LAMA1: variants seen among roughly 807,000 people sequenced by gnomAD.
LAMA1 encodes the protein laminin subunit alpha-1.
In LAMA1, 219 loss-of-function variants were observed where a neutral mutation model predicts 348.7. That is an observed-to-expected ratio of 0.63 (90% confidence interval 0.56 to 0.70). The LOEUF is 0.70. Among genes scored for constraint, LAMA1 ranks in the 30% least tolerant of loss-of-function variants. The pLI is 0.00. For missense variants in LAMA1, 3,744 were observed against 3,888.0 expected, an observed-to-expected ratio of 0.96 and a Z score of 0.99; for synonymous variants, 1,487 against 1,491.0, an observed-to-expected ratio of 1.00 and a Z score of 0.06.
chr18:6,993,701 T>A lies in LAMA1; in HGVS notation c.4948A>T (p.Ile1650Phe). The change falls in exon 35 of 63, where the codon ATC becomes TTC. Residue 1650 changes from isoleucine (I) to phenylalanine (F), a missense_variant. This residue lies in a region of LAMA1 where 1,983 missense variants were observed against 1,934.3 expected (regional missense o/e 1.03). Coordinates refer to ENST00000389658, the MANE Select transcript of LAMA1 (RefSeq NM_005559.4). Reference sequence around the variant, plus strand: ...GCCAGGTCTTGACTCTCCTTGAAGATTCTCTCAGTTGCCCTATTCACCTTT... The same window carrying A: ...GCCAGGTCTTGACTCTCCTTGAAGAATCTCTCAGTTGCCCTATTCACCTTT... ...TQKVNRATERIFKESQDLAIA... is the reference protein window; with the variant it reads ...TQKVNRATERFFKESQDLAIA... 1 of 1,614,122 alleles carries A rather than the reference T, an allele frequency of 6.2e-7. No homozygotes were observed.
chr18:6,952,565 G>A (rs187250344), intron 57 of LAMA1, among the ~76,000 whole-genome samples: 2 of 152,330 alleles, frequency 1.3e-5, no homozygotes, highest in East Asian at 3.9e-4. Context: ...TGCCTTCCAA[G>A]GTTTCACTTT....
chr18:6,945,326 T>C (rs1207785089), intron 61 of LAMA1, among the ~76,000 whole-genome samples: 1 of 152,130 alleles, frequency 6.6e-6, no homozygotes, highest in Non-Finnish European at 1.5e-5. Context: ...TTAGTTCTGG[T>C]TTGTCATGAA....
chr18:7,024,281 C>A (rs2057932442), intron 18 of LAMA1, 99 bp downstream of exon 18: 5 of 883,280 alleles, frequency 5.7e-6, no homozygotes, highest in Non-Finnish European at 8.9e-6. Context: ...AATTATGCAT[C>A]AAAACTCCAA....
At position 7,043,390 on chromosome 18, in the gene LAMA1, T is replaced by C. The variant is rs746595587; in HGVS notation, c.992A>G (p.Asn331Ser). The change falls in exon 8 of 63, where the codon AAT (asparagine) becomes AGT (serine). Residue 331 changes from asparagine to serine, a missense_variant. Asn to Ser is a conservative substitution (Grantham distance 46). Coordinates refer to ENST00000389658, the MANE Select transcript of LAMA1 (RefSeq NM_005559.4). ...GNTCEACNCH[N>S]KAKDCYYDES... is the part of the protein sequence containing the mutation. ...ATCATAGTAACAGTCTTTGGCTTTA[T>C]TGTGACAATTACATGCTAGGAGAAT... is the stretch of plus-strand genomic sequence containing the variant. 6 of 1,613,444 alleles carry C rather than the reference T, an allele frequency of 3.7e-6. No individual in the cohort carries two copies. In the East Asian group the frequency reaches 6.7e-5, roughly 18 times the overall value.
At chr18:6,949,923 A>G (rs764547791) in intron 58 of LAMA1, among the ~76,000 whole-genome samples, 3 of 152,240 alleles carry the variant, frequency 2.0e-5, no homozygotes, top group Non-Finnish European at 4.4e-5. Context: ...AACTCTAACC[A>G]GTCATTGTTT....
rs73390524 is a variant in LAMA1, at chr18:6,958,478, C to G, written c.7963G>C (p.Glu2655Gln). Residue 2655 changes from glutamate to glutamine, a missense_variant and splice_region_variant, in exon 55 of 63, where the codon GAA becomes CAA. Coordinates refer to ENST00000389658, the MANE Select transcript of LAMA1 (RefSeq NM_005559.4). ...CATGCAGAGAGCAGGTACACTTACT[C>G]CAAATTGAAGATCAGGTTTTTGATA... is the stretch of plus-strand genomic sequence containing the variant. The part of the protein sequence containing the change: ...GCIKNLIFNL[E>Q]LLDFNSAVGH... 1.4e-3 allele frequency: 2,315 copies of G among 1,614,122 alleles called. 28 individuals carry two copies. In the African/African-American group the frequency reaches 0.027, roughly 19 times the overall value.
Position 7,013,860 on chromosome 18 carries a change from C to T in LAMA1, c.3318G>A (p.Gln1106=). ...TTTCCTCCACACAGCCGCAGAGACC[C>T]TGCTCCAGGTTGCAGGCGTCCCCCG... The part of the protein sequence containing the change: ...GTSGDACNLE[Q]GLCGCVEETG... The change falls in exon 23 of 63, where the codon CAG becomes CAA. Residue 1106 remains glutamine, a synonymous_variant. Transcript: ENST00000389658. The T allele has an allele frequency of 6.2e-7, 1 of 1,612,046 alleles. No homozygotes were observed. The highest frequency in any genetic ancestry group is 8.5e-7 in the Non-Finnish European group (1 of 1,178,986).
intron 3 of LAMA1, 109 bp downstream of exon 3, chr18:7,079,866 G>C (rs1433347317): frequency 1.2e-6 from 1 of 801,354 alleles, no homozygotes; most frequent in Admixed American, 2.0e-5. Context: ...GAAATAGTGA[G>C]ATTAGAATGT....
rs554627921 is a variant in LAMA1 at position 7,011,374 on chromosome 18, C to T, written c.3613G>A (p.Ala1205Thr). ...YYQAPDFLLD[A>T]ATVRQHIRAE... Reference sequence around the variant, plus strand: ...CGGATGTGCTGCCGGACGGTGGCGGCATCCAGCAGGAAGTCGGGGGCCTGG... The same window carrying T: ...CGGATGTGCTGCCGGACGGTGGCGGTATCCAGCAGGAAGTCGGGGGCCTGG... Residue 1205 changes from alanine to threonine, a missense_variant, in exon 25 of 63, where the codon GCC (alanine) becomes ACC (threonine). Around this residue, in one of 3 missense-constraint regions of LAMA1, gnomAD observed 1,529 missense variants for 1,689.4 expected, o/e 0.91. Transcript: ENST00000389658. 1 of 1,611,694 alleles carries T rather than the reference C, an allele frequency of 6.2e-7. No individual in the cohort carries two copies. The highest frequency in any genetic ancestry group is 2.2e-5 in the East Asian group (1 of 44,812).
Position 6,976,586 on chromosome 18 carries a change from TTATA to T in LAMA1, c.6346-510_6346-507del, listed in dbSNP as rs1268295008. ...TAGCATCAAGAAGCATTCCTTGGGCTTATATTTATTTATTTATTTATTTATTTAT... is the reference window on the plus strand; with the variant it reads ...TAGCATCAAGAAGCATTCCTTGGGCTTTTATTTATTTATTTATTTATTTAT... On this transcript the variant is annotated intron_variant, in intron 44 of 62. Coordinates refer to ENST00000389658, the MANE Select transcript of LAMA1 (RefSeq NM_005559.4). 6.6e-4 allele frequency among the ~76,000 whole-genome samples: 95 copies of T among 144,252 alleles called. 1 individual carries two copies. In the South Asian group the frequency reaches 8.3e-3, roughly 13 times the overall value. The allele number at this position is 144,252 out of a possible 152,430, so 94.6% of individuals were successfully genotyped here.
chr18:6,955,256 TA>T, intron 57 of LAMA1, 96 bp downstream of exon 57: 4 of 949,716 alleles, frequency 4.2e-6, no homozygotes, highest in Non-Finnish European at 5.0e-6. Flanking sequence ...CATCATAAAA[TA>T]AAAGCAGGTT....
At chr18:7,080,158 A>T in intron 2 of LAMA1, 71 bp from the exon 3 acceptor site, 1 of 1,557,610 alleles carries the variant, frequency 6.4e-7, no homozygotes. Context: ...TCTAAACCGT[A>T]ATGCTAGTGG....
rs116747452 is a variant in LAMA1, at chr18:7,052,740, T to C, written c.346-1804A>G. Among the ~76,000 whole-genome samples the C allele has an allele frequency of 5.0e-3, 682 of 136,996 alleles. 3 individuals are homozygous for C. Among genetic ancestry groups the C allele is most frequent in the African/African-American group, 0.018 (631 of 35,820 alleles). The allele number at this position is 136,996 out of a possible 152,430, so 89.9% of individuals were successfully genotyped here. The stretch of plus-strand genomic sequence containing the variant: ...GAAACTGTCTCAAAAAATAAATAGA[T>C]AGACTGGGCATGGTGGCTCACGCCT... On this transcript the variant is annotated intron_variant, in intron 3 of 62. Coordinates refer to ENST00000389658, the MANE Select transcript of LAMA1 (RefSeq NM_005559.4).
rs552854758 is a variant in LAMA1, at chr18:7,036,008, C to T, written c.1818G>A (p.Ser606=). 3.7e-5 allele frequency: 59 copies of T among 1,613,886 alleles called. 1 individual carries two copies. The South Asian group carries it at 3.7e-4, about 10-fold the overall frequency. Residue 606 remains serine (S), a synonymous_variant, in exon 13 of 63, where the codon TCG becomes TCA. Coordinates refer to ENST00000389658, the MANE Select transcript of LAMA1 (RefSeq NM_005559.4). ...TCACCTTAATGATGACGTCAGCATG[C>T]GACATGAGGTTACTGTCTACCGTCT... ...PVETVDSNLM[S]HADVIIKGNG...
chr18:7,000,769 G>A (rs145669709), intron 30 of LAMA1, among the ~76,000 whole-genome samples: 20 of 152,218 alleles, frequency 1.3e-4, no homozygotes, highest in African/African-American at 4.8e-4. Context: ...GTTCCTTTTC[G>A]TTAGCAAGAT....
chr18:7,108,807 G>A (rs1175732840), intron 1 of LAMA1, among the ~76,000 whole-genome samples: 1 of 152,074 alleles, frequency 6.6e-6, no homozygotes, highest in African/African-American at 2.4e-5. Flanking sequence ...GTTGCAAAGA[G>A]TTGGAAAAAC....
In LAMA1 at chr18:6,976,021, G is replaced by T. The variant is rs1432428539; in HGVS notation, c.6405C>A (p.Ser2135=). ...GTGTTAAGGTATTGTAGTTGGTAGA[G>T]GAAATCTGAGGCTGGTAGGCCCGGA... is the stretch of plus-strand genomic sequence containing the variant. The part of the protein sequence containing the change: ...DCIRAYQPQI[S]STNYNTLTLN... The change falls in exon 45 of 63, where the codon TCC becomes TCA. Residue 2135 remains serine, a synonymous_variant. Coordinates refer to ENST00000389658, the MANE Select transcript of LAMA1 (RefSeq NM_005559.4). 1.9e-6 allele frequency: 3 copies of T among 1,614,090 alleles called. No homozygotes were observed. The highest frequency in any genetic ancestry group is 1.3e-5 in the African/African-American group (1 of 74,928).
chr18:7,070,299 T>C (rs544686487), intron 3 of LAMA1, among the ~76,000 whole-genome samples: 1 of 152,334 alleles, frequency 6.6e-6, no homozygotes, highest in East Asian at 1.9e-4. Flanking sequence ...ACAGTAAAAG[T>C]AATTTCTATC....
At position 7,055,879 on chromosome 18, in the gene LAMA1, A is replaced by G. The variant is rs554281362; in HGVS notation, c.346-4943T>C. Among the ~76,000 whole-genome samples the G allele has an allele frequency of 5.3e-5, 8 of 152,210 alleles. No homozygotes were observed. In the East Asian group the frequency reaches 1.6e-3, roughly 30 times the overall value. ...GGCGGATCACGAGGTCAGGAGATCG[A>G]GACCATCCTGGCTAACACAGTGAAA... On this transcript the variant is annotated intron_variant, in intron 3 of 62. Transcript: ENST00000389658.
Sources: gnomAD v4.1 joint callset for allele counts (sites outside exome capture counted in the v4.1 genomes callset) on GRCh38, gnomAD v4.1.1 for gene constraint, gnomAD v4.1.1 regional missense constraint, MANE v1.5 for transcripts, NCBI Gene and HGNC (gene_info 2026-07-23, HGNC 2026-07-21) for gene names.